Variants in PDE4D observed in about 807,000 individuals in gnomAD.
PDE4D encodes the protein 3',5'-cyclic-AMP phosphodiesterase 4D.
A neutral mutation model predicts 87.4 loss-of-function variants in PDE4D; 24 were observed. That is an observed-to-expected ratio of 0.27 (90% confidence interval 0.20 to 0.39). The LOEUF (loss-of-function observed/expected upper bound fraction) is 0.39, where lower values mean the gene tolerates loss of function less well. Among genes scored for constraint, PDE4D ranks in the 10% least tolerant of loss-of-function variants. PDE4D has a pLI of 1.00. For missense variants in PDE4D, 714 were observed against 1,041.0 expected, an observed-to-expected ratio of 0.69 and a Z score of 4.32; for synonymous variants, 384 against 383.2, an observed-to-expected ratio of 1.00 and a Z score of -0.02.
chr5:59,988,567 A>T, exon 3 of PDE4D: 2 of 1,599,446 alleles, frequency 1.3e-6, no homozygotes, highest in East Asian at 4.5e-5. Context: ...ATGTTCTCTG[A>T]TTCACTTTTC....
At chr5:60,103,659 A>G (rs755523937) in intron 2 of PDE4D, among the ~76,000 whole-genome samples, 10 of 152,238 alleles carry the variant, frequency 6.6e-5, no homozygotes, top group Non-Finnish European at 1.2e-4. Context: ...GACAAAACAG[A>G]TAGGCATAAC....
chr5:59,648,098 A>C (rs1742781119), intron 1 of PDE4D, among the ~76,000 whole-genome samples: 1 of 152,216 alleles, frequency 6.6e-6, no homozygotes, highest in African/African-American at 2.4e-5. Flanking sequence ...AATAGAGTGA[A>C]ACACACAAAC....
At chr5:60,245,364 A>G (rs746579443) in intron 1 of PDE4D, among the ~76,000 whole-genome samples, 6 of 151,906 alleles carry the variant, frequency 3.9e-5, no homozygotes, top group Non-Finnish European at 7.4e-5. Flanking sequence ...CACTGTGGAG[A>G]ACAGTTTGGA....
intron 2 of PDE4D, among the ~76,000 whole-genome samples, chr5:60,006,697 A>T (rs1764528514): frequency 6.6e-6 from 1 of 152,002 alleles, no homozygotes; most frequent in Non-Finnish European, 1.5e-5. Context: ...AATTTTTCCC[A>T]TTGTTCTGTG....
intron 1 of PDE4D, among the ~76,000 whole-genome samples, chr5:60,285,968 G>A (rs759030436): frequency 6.6e-6 from 1 of 152,154 alleles, no homozygotes; most frequent in Non-Finnish European, 1.5e-5. Context: ...ACAAGGAAAG[G>A]GGAAAGGAAC....
chr5:59,752,597 G>A (rs998713482), intron 1 of PDE4D, among the ~76,000 whole-genome samples: 18 of 151,992 alleles, frequency 1.2e-4, no homozygotes, highest in Non-Finnish European at 1.3e-4. Flanking sequence ...ACAATCCCTC[G>A]TCCCCTACAA....
At chr5:60,232,345 T>G (rs1745915199) in intron 1 of PDE4D, among the ~76,000 whole-genome samples, 2 of 152,074 alleles carry the variant, frequency 1.3e-5, no homozygotes, top group South Asian at 4.1e-4. Context: ...TAGGTTATAC[T>G]AAGCCTTTTT....
intron 1 of PDE4D, among the ~76,000 whole-genome samples, chr5:59,744,791 A>ATATCATGT (rs1411108492): frequency 5.3e-5 from 8 of 152,204 alleles, no homozygotes; most frequent in Admixed American, 3.9e-4. Flanking sequence ...TAGTAATCAC[A>ATATCATGT]TATCATGTGA....
chr5:59,771,387 G>A (rs1331288400), intron 1 of PDE4D, among the ~76,000 whole-genome samples: 8 of 148,078 alleles, frequency 5.4e-5, no homozygotes, highest in African/African-American at 1.0e-4. Flanking sequence ...TGATATGGGC[G>A]ACAGAGCGAG....
At chr5:59,983,450 T>C (rs1762120610) in intron 3 of PDE4D, among the ~76,000 whole-genome samples, 1 of 152,082 alleles carries the variant, frequency 6.6e-6, no homozygotes, top group Admixed American at 6.5e-5. Flanking sequence ...TAGAACAAAA[T>C]ATTCACTTTA....
intron 2 of PDE4D, among the ~76,000 whole-genome samples, chr5:60,108,249 C>A (rs530506374): frequency 8.6e-5 from 13 of 151,652 alleles, no homozygotes; most frequent in East Asian, 3.9e-4. Context: ...TGAGTGAACT[C>A]CCATTCACAA....
At chr5:59,914,573 T>C (rs1052418003) in intron 3 of PDE4D, among the ~76,000 whole-genome samples, 2 of 98,960 alleles carry the variant, frequency 2.0e-5, no homozygotes, top group African/African-American at 6.3e-5. Flanking sequence ...TGCATGTGCG[T>C]GTGTGTGTGT....
intron 6 of PDE4D, chr5:58,999,442 AT>A (rs746264389): frequency 1.1e-6 from 1 of 944,190 alleles, no homozygotes; most frequent in Non-Finnish European, 1.6e-6. Flanking sequence ...TTTCTAAATA[AT>A]TTTGTAATCA....
chr5:59,920,185 C>A (rs991441449), intron 3 of PDE4D, among the ~76,000 whole-genome samples: 1 of 152,044 alleles, frequency 6.6e-6, no homozygotes, highest in African/African-American at 2.4e-5. Flanking sequence ...CCAGATGTAA[C>A]CCTGTCAGCT....
At chr5:59,908,068 G>A (rs1010867898) in intron 3 of PDE4D, among the ~76,000 whole-genome samples, 3 of 151,850 alleles carry the variant, frequency 2.0e-5, no homozygotes, top group Admixed American at 6.6e-5. Context: ...TATACATAAC[G>A]TTTTAACTCT....
At chr5:59,287,758 C>A (rs1221758408) in intron 1 of PDE4D, among the ~76,000 whole-genome samples, 2 of 150,478 alleles carry the variant, frequency 1.3e-5, no homozygotes, top group Non-Finnish European at 3.0e-5. Context: ...GACAGACAGA[C>A]TGAGACTGAA....
At chr5:60,364,758 G>T (rs537418949) in intron 1 of PDE4D, among the ~76,000 whole-genome samples, 2 of 152,186 alleles carry the variant, frequency 1.3e-5, no homozygotes, top group Admixed American at 6.5e-5. Context: ...CTATCAAGAA[G>T]TTTCCTATTT....
intron 1 of PDE4D, among the ~76,000 whole-genome samples, chr5:60,411,803 A>T (rs373203599): frequency 1.6e-3 from 249 of 152,252 alleles, no homozygotes; most frequent in African/African-American, 5.1e-3. Flanking sequence ...CTATGATCCA[A>T]TGGTGTTCCC....
rs180755784 is a variant in PDE4D at position 59,527,745 on chromosome 5, T to C, written c.456-311777A>G. ...GTAGCAAGGGGCTTGTCCATAATTT[T>C]ATTGTCAACATTTCTGAGTCATCTA... On this transcript the variant is annotated intron_variant, in intron 1 of 14. Transcript: ENST00000340635. 4.0e-4 allele frequency among the ~76,000 whole-genome samples: 61 copies of C among 152,344 alleles called. 1 individual carries two copies. The highest frequency in any genetic ancestry group is 1.3e-3 in the African/African-American group (55 of 41,580).
Sources: allele counts gnomAD v4.1 joint callset (sites outside exome capture counted in the v4.1 genomes callset), GRCh38; gene constraint gnomAD v4.1.1; transcripts MANE v1.5; gene names NCBI Gene and HGNC (gene_info 2026-07-23, HGNC 2026-07-21).